MPZ: variants seen among roughly 807,000 people sequenced by gnomAD.
MPZ encodes the protein myelin protein zero.
In MPZ, 13 loss-of-function variants were observed where a neutral mutation model predicts 27.9. The ratio of observed to expected loss-of-function variants is 0.47; its 90% CI spans 0.30 to 0.74. MPZ has a LOEUF of 0.74. Among genes scored for constraint, MPZ ranks in the 30% least tolerant of loss-of-function variants. The probability of loss-of-function intolerance (pLI) is 0.06; values close to 1 mark genes in which losing one functional copy is unlikely to be tolerated. For missense variants in MPZ, 256 were observed against 317.5 expected (o/e 0.81, Z 1.47); for synonymous variants, 118 against 128.9 (o/e 0.92, Z 0.57).
intron 1 of MPZ, among the ~76,000 whole-genome samples, chr1:161,308,329 A>C (rs558822438): frequency 6.6e-6 from 1 of 152,200 alleles, no homozygotes; most frequent in East Asian, 1.9e-4. Context: ...ATGACCCTAC[A>C]TGTGAGCCCT....
chr1:161,305,979 TG>T lies in MPZ; in HGVS notation c.646-3del. 6.2e-7 allele frequency: 1 copy of T among 1,613,896 alleles called. No individual in the cohort carries two copies. Among genetic ancestry groups the T allele is most frequent in the Non-Finnish European group, 8.5e-7 (1 of 1,179,844 alleles). On this transcript the variant is annotated splice_polypyrimidine_tract_variant and splice_region_variant and intron_variant, in intron 5 of 5. Coordinates refer to ENST00000533357, the MANE Select transcript of MPZ (RefSeq NM_000530.8). ...CAGCATTGCATACAGCACTGGCGTC[TG>T]GGGGAGGGGCGCACACATCAGTCAC...
In MPZ at chr1:161,305,725, T is replaced by G; in HGVS notation, c.*151A>C. 2 of 619,776 alleles carry G rather than the reference T, an allele frequency of 3.2e-6. No homozygotes were observed. The highest frequency in any genetic ancestry group is 5.7e-6 in the Non-Finnish European group (2 of 352,276). The allele number at this position is 619,776 out of a possible 1,614,324, so 38.4% of individuals were successfully genotyped here. A position where few individuals can be genotyped will look rare whatever the true frequency, so the allele number is the denominator to read the frequency against. ...AGGCCCATCATGTTCTTGAGGGCGT[T>G]TTTGAGGCTGGTTCTGCTGGGGGAC... On this transcript the variant is annotated 3_prime_UTR_variant, in exon 6 of 6. Coordinates refer to ENST00000533357, the MANE Select transcript of MPZ (RefSeq NM_000530.8).
intron 1 of MPZ, among the ~76,000 whole-genome samples, chr1:161,308,052 G>A (rs950545407): frequency 2.6e-5 from 4 of 151,932 alleles, no homozygotes; most frequent in Non-Finnish European, 5.9e-5. Context: ...AAGAACTTAC[G>A]TATCTGGAGG....
chr1:161,309,710 A>G, intron 1 of MPZ, 129 bp downstream of exon 1: 1 of 823,906 alleles, frequency 1.2e-6, no homozygotes, highest in Non-Finnish European at 2.0e-6. Flanking sequence ...TTTCTTTCTG[A>G]ATATAATGTC....
Position 161,306,735 on chromosome 1 carries a change from G to C in MPZ, c.421C>G (p.Gln141Glu), listed in dbSNP as rs1456458087. Residue 141 changes from glutamine (Q) to glutamate (E), a missense_variant, in exon 3 of 6, where the codon CAG becomes GAG. Gln to Glu is a conservative substitution (Grantham distance 29). Around this residue, in one of 2 missense-constraint regions of MPZ, gnomAD observed 155 missense variants for 223.9 expected, o/e 0.69. Transcript: ENST00000533357. Reference protein sequence around the residue: ...NPPDIVGKTSQVTLYVFEKVP... With the variant: ...NPPDIVGKTSEVTLYVFEKVP... ...TTTTCAAAGACATACAGCGTGACCT[G>C]AGAGGTCTTGCCCACTATGTCTGGA... 4 of 1,613,940 alleles carry C rather than the reference G, an allele frequency of 2.5e-6. No individual in the cohort carries two copies. The highest frequency in any genetic ancestry group is 2.5e-6 in the Non-Finnish European group (3 of 1,180,024).
chr1:161,308,557 C>A (rs184744689), intron 1 of MPZ, among the ~76,000 whole-genome samples: 2 of 152,308 alleles, frequency 1.3e-5, no homozygotes, highest in East Asian at 3.9e-4. Context: ...GCCACCCCTA[C>A]TCCCACCCCA....
chr1:161,306,780 T>C lies in MPZ; in HGVS notation c.376A>G (p.Thr126Ala). 1 of 1,613,972 alleles carries C rather than the reference T, an allele frequency of 6.2e-7. No homozygotes were observed. The highest frequency in any genetic ancestry group is 8.5e-7 in the Non-Finnish European group (1 of 1,180,000). ...TCTGGAGGGTTTTTGACGTCACAAGTGAACGTGCCATTGTCACTGTAGTCT... is the reference window on the plus strand; with the variant it reads ...TCTGGAGGGTTTTTGACGTCACAAGCGAACGTGCCATTGTCACTGTAGTCT... Reference protein sequence around the residue: ...NLDYSDNGTFTCDVKNPPDIV... With the variant: ...NLDYSDNGTFACDVKNPPDIV... Residue 126 changes from threonine to alanine, a missense_variant, in exon 3 of 6, where the codon ACT becomes GCT. Physicochemically the swap from Thr to Ala is moderately conservative, Grantham distance 58. Around this residue, in one of 2 missense-constraint regions of MPZ, gnomAD observed 155 missense variants for 223.9 expected, o/e 0.69. Coordinates refer to ENST00000533357, the MANE Select transcript of MPZ (RefSeq NM_000530.8).
At position 161,305,854 on chromosome 1, in the gene MPZ, C is replaced by T. The variant is rs761571597; in HGVS notation, c.*22G>A. On this transcript the variant is annotated 3_prime_UTR_variant, in exon 6 of 6. Coordinates refer to ENST00000533357, the MANE Select transcript of MPZ (RefSeq NM_000530.8). ...GCGGACTCCACCCCTAACCCCCGAT[C>T]CCCCGCCCGGCCCGCTAACCGCTAT... 3.7e-6 allele frequency: 5 copies of T among 1,365,486 alleles called. No individual in the cohort carries two copies. The highest frequency in any genetic ancestry group is 5.2e-6 in the Non-Finnish European group (5 of 970,406). The allele number at this position is 1,365,486 out of a possible 1,614,324, so 84.6% of individuals were successfully genotyped here.
chr1:161,307,014 C>CAAAAAAAAAGA (rs1670273456), intron 2 of MPZ, 93 bp from the exon 3 acceptor site: 1 of 180,356 alleles, frequency 5.5e-6, no homozygotes, highest in Non-Finnish European at 9.5e-6. Context: ...AAGAAAAAAG[C>CAAAAAAAAAGA]AAAAAAAAAA....
intron 1 of MPZ, among the ~76,000 whole-genome samples, chr1:161,309,552 A>ATTTATTTTTTTTTTTTT: frequency 1.2e-5 from 1 of 80,644 alleles, no homozygotes; most frequent in African/African-American, 5.8e-5. Flanking sequence ...ATATATATAT[A>ATTTATTTTTTTTTTTTT]TTTTTTTTTT....
chr1:161,303,792 C>T (rs1670165662), downstream of MPZ, among the ~76,000 whole-genome samples: 1 of 152,222 alleles, frequency 6.6e-6, no homozygotes. Context: ...TAAGTTTCCT[C>T]TCCCACTTCC....
chr1:161,306,370 G>A lies in MPZ; in HGVS notation c.543C>T (p.Tyr181=), dbSNP rs140671661. 5.3e-5 allele frequency: 86 copies of A among 1,614,212 alleles called. No homozygotes were observed. Among genetic ancestry groups the A allele is most frequent in the Non-Finnish European group, 6.9e-5 (82 of 1,180,048 alleles). Residue 181 remains tyrosine (Y), a synonymous_variant, in exon 4 of 6, where the codon TAC becomes TAT. Coordinates refer to ENST00000533357, the MANE Select transcript of MPZ (RefSeq NM_000530.8). The part of the protein sequence containing the change: ...LLLLLFYVVR[Y]CWLRRQAALQ... The stretch of plus-strand genomic sequence containing the variant: ...GGGCCGCCTGCCTGCGTAGCCAGCA[G>A]TACCGAACCACGTAGAAAAGCAGCA...
chr1:161,307,759 T>C (rs1322250639), intron 1 of MPZ, among the ~76,000 whole-genome samples: 1 of 152,256 alleles, frequency 6.6e-6, no homozygotes, highest in East Asian at 1.9e-4. Flanking sequence ...TGCAGTGTTC[T>C]AAATTTTTAA....
In MPZ at chr1:161,307,421, A is replaced by G. The variant is rs776682751; in HGVS notation, c.71T>C (p.Leu24Pro). 6.2e-7 allele frequency: 1 copy of G among 1,614,118 alleles called. No individual in the cohort carries two copies. Among genetic ancestry groups the G allele is most frequent in the African/African-American group, 1.3e-5 (1 of 75,078 alleles). The change falls in exon 2 of 6, where the codon CTG becomes CCG. Residue 24 changes from leucine (L) to proline (P), a missense_variant. By Grantham distance (98) the Leu-to-Pro change is moderately conservative. This residue lies in a region of MPZ where 155 missense variants were observed against 223.9 expected (regional missense o/e 0.69). Transcript: ENST00000533357. ...LAVLLFSSLV[L>P]SPAQAIVVYT... Reference sequence around the variant, plus strand: ...AACCACGATGGCCTGGGCCGGGGACAGCACTGCAAGCACAAAGTGGGGAAT... The same window carrying G: ...AACCACGATGGCCTGGGCCGGGGACGGCACTGCAAGCACAAAGTGGGGAAT...
At chr1:161,304,577 T>A (rs911350227), downstream of MPZ, among the ~76,000 whole-genome samples, 5 of 152,138 alleles carry the variant, frequency 3.3e-5, no homozygotes, top group African/African-American at 1.2e-4. Context: ...TATGAATGTG[T>A]CTTGTGAGGC....
chr1:161,307,664 C>T (rs1195281565), intron 1 of MPZ, among the ~76,000 whole-genome samples: 2 of 152,240 alleles, frequency 1.3e-5, no homozygotes, highest in African/African-American at 4.8e-5. Flanking sequence ...ACAGAATTCT[C>T]TTGAGGACTT....
chr1:161,307,419 A>T lies in MPZ; in HGVS notation c.73T>A (p.Ser25Thr), dbSNP rs997633417. 11 of 1,614,034 alleles carry T rather than the reference A, an allele frequency of 6.8e-6. No homozygotes were observed. Among genetic ancestry groups the T allele is most frequent in the African/African-American group, 4.0e-5 (3 of 74,952 alleles). The stretch of plus-strand genomic sequence containing the variant: ...TAAACCACGATGGCCTGGGCCGGGG[A>T]CAGCACTGCAAGCACAAAGTGGGGA... ...AVLLFSSLVL[S>T]PAQAIVVYTD... The change falls in exon 2 of 6, where the codon TCC becomes ACC. Residue 25 changes from serine (S) to threonine (T), a missense_variant. Coordinates refer to ENST00000533357, the MANE Select transcript of MPZ (RefSeq NM_000530.8).
At chr1:161,306,679 C>CAT (rs1670256674) in intron 3 of MPZ, 29 bp downstream of exon 3, 1 of 1,609,490 alleles carries the variant, frequency 6.2e-7, no homozygotes, top group Non-Finnish European at 8.5e-7. Flanking sequence ...AACTGCTTCC[C>CAT]ATACCCTTGT....
intron 1 of MPZ, among the ~76,000 whole-genome samples, chr1:161,308,020 G>GTATTC (rs1227956725): frequency 6.6e-6 from 1 of 151,932 alleles, no homozygotes; most frequent in Non-Finnish European, 1.5e-5. Flanking sequence ...ATATTGCATT[G>GTATTC]TATTCTAGTG....
Sources: allele counts gnomAD v4.1 joint callset (sites outside exome capture counted in the v4.1 genomes callset), GRCh38; gene constraint gnomAD v4.1.1; regional missense constraint gnomAD v4.1.1; transcripts MANE v1.5; gene names NCBI Gene and HGNC (gene_info 2026-07-23, HGNC 2026-07-21).